The following EPHA6 variants were observed in gnomAD, a reference collection of about 807,000 sequenced individuals.
EPHA6 encodes the protein ephrin type-A receptor 6.
EPHA6 carries 50 observed loss-of-function variants against 112.0 expected under a neutral mutation model. The observed-to-expected ratio is 0.45, with a 90% CI of 0.36 to 0.56. The LOEUF is 0.56. Ranked by LOEUF, EPHA6 falls within the 20% of genes least tolerant of loss-of-function variation. EPHA6 has a pLI of 0.00. For missense variants in EPHA6, 1,280 were observed against 1,417.4 expected (o/e 0.90, Z 1.56); for synonymous variants, 529 against 490.7 (o/e 1.08, Z -1.03).
intron 3 of EPHA6, among the ~76,000 whole-genome samples, chr3:97,093,920 A>G (rs1215124826): frequency 6.6e-6 from 1 of 152,140 alleles, no homozygotes; most frequent in Non-Finnish European, 1.5e-5. Context: ...GAGAAATTTC[A>G]ATTCTGAGAT....
intron 10 of EPHA6, among the ~76,000 whole-genome samples, chr3:97,520,947 A>G (rs2092532137): frequency 6.6e-6 from 1 of 152,182 alleles, no homozygotes; most frequent in Non-Finnish European, 1.5e-5. Flanking sequence ...ACCTATATTC[A>G]AGTTCTAAAA....
chr3:96,949,513 G>GTA (rs988379512), intron 2 of EPHA6, among the ~76,000 whole-genome samples: 1 of 151,916 alleles, frequency 6.6e-6, no homozygotes, highest in Admixed American at 6.6e-5. Context: ...TTTATAAAAA[G>GTA]TATATATATA....
rs539474562 is a variant in EPHA6, at chr3:97,486,202, T to C, written c.2200+2143T>C. ...TGGCAAAGACAGATTATCTAAACCA[T>C]GTAGTTATTCCTATAGATTGGGGTC... On this transcript the variant is annotated intron_variant, in intron 10 of 17. Transcript: ENST00000389672. Among the ~76,000 whole-genome samples, 280 of 152,332 alleles carry C rather than the reference T, an allele frequency of 1.8e-3. 2 individuals are homozygous for C. The highest frequency in any genetic ancestry group is 6.4e-3 in the African/African-American group (265 of 41,586).
rs1049106611 is a variant in EPHA6 at position 97,347,342 on chromosome 3, AC to A, written c.1607-57807del. Among the ~76,000 whole-genome samples the A allele has an allele frequency of 1.0e-3, 157 of 152,210 alleles. 1 individual carries two copies. Among genetic ancestry groups the A allele is most frequent in the African/African-American group, 3.6e-3 (148 of 41,570 alleles). The stretch of plus-strand genomic sequence containing the variant: ...ATATTCACCTTATCAATTGATACTA[AC>A]TTTTCTTAGATATAAAATACACAAA... On this transcript the variant is annotated intron_variant, in intron 5 of 17. Transcript: ENST00000389672.
chr3:97,433,071 G>C (rs1187198399), intron 6 of EPHA6, among the ~76,000 whole-genome samples: 1 of 152,094 alleles, frequency 6.6e-6, no homozygotes, highest in Admixed American at 6.6e-5. Context: ...TTCATCTACG[G>C]CATAGATATC....
chr3:97,666,867 T>C (rs939695002), intron 14 of EPHA6, among the ~76,000 whole-genome samples: 2 of 152,204 alleles, frequency 1.3e-5, no homozygotes, highest in Admixed American at 1.3e-4. Context: ...GGCTTTAGTT[T>C]TTTAATTCAA....
intron 14 of EPHA6, among the ~76,000 whole-genome samples, chr3:97,703,092 G>A (rs997528978): frequency 3.3e-5 from 5 of 152,102 alleles, no homozygotes; most frequent in African/African-American, 9.7e-5. Context: ...GTCAGCCCTC[G>A]GGAAGCATTT....
intron 3 of EPHA6, among the ~76,000 whole-genome samples, chr3:97,129,480 C>T (rs1048381148): frequency 8.7e-5 from 13 of 149,786 alleles, no homozygotes; most frequent in Admixed American, 2.0e-4. Flanking sequence ...CCAGCCTGGG[C>T]GACAGACTTC....
intron 7 of EPHA6, chr3:97,466,602 A>G (rs2091064512): frequency 1.6e-6 from 1 of 644,206 alleles, no homozygotes. Flanking sequence ...TGTCTTCAGT[A>G]TTCTCATGTA....
intron 5 of EPHA6, among the ~76,000 whole-genome samples, chr3:97,404,221 A>C (rs891670888): frequency 6.6e-6 from 1 of 152,182 alleles, no homozygotes; most frequent in Non-Finnish European, 1.5e-5. Flanking sequence ...TTAAATCTTT[A>C]AGCTTCCCTT....
At position 96,899,723 on chromosome 3, in the gene EPHA6, A is replaced by G. The variant is rs190817914; in HGVS notation, c.450+32834A>G. On this transcript the variant is annotated intron_variant, in intron 2 of 17. Transcript: ENST00000389672. ...AACTGTTTTGTTTTCTGTTTTTAGT[A>G]TTTTATTTATAAGCAGTAGTCCTGT... Among the ~76,000 whole-genome samples, 8 of 152,278 alleles carry G rather than the reference A, an allele frequency of 5.3e-5. No individual in the cohort carries two copies. In the East Asian group the frequency reaches 1.5e-3, roughly 29 times the overall value.
At chr3:97,567,761 C>T (rs2093286181) in intron 11 of EPHA6, among the ~76,000 whole-genome samples, 1 of 152,072 alleles carries the variant, frequency 6.6e-6, no homozygotes, top group Non-Finnish European at 1.5e-5. Context: ...AGAGGCAGCT[C>T]AGGAAAACAA....
chr3:97,017,168 A>G (rs1458606054), intron 3 of EPHA6, among the ~76,000 whole-genome samples: 4 of 152,150 alleles, frequency 2.6e-5, no homozygotes, highest in Admixed American at 1.3e-4. Flanking sequence ...CACAGTACCT[A>G]GACTTAATTT....
intron 5 of EPHA6, among the ~76,000 whole-genome samples, chr3:97,255,144 A>G (rs1193805610): frequency 2.8e-5 from 4 of 144,374 alleles, no homozygotes; most frequent in Admixed American, 2.1e-4. Flanking sequence ...TACATCTTGG[A>G]TGTGTGTGTG....
At chr3:97,484,450 T>A (rs2091647768) in intron 10 of EPHA6, among the ~76,000 whole-genome samples, 1 of 152,200 alleles carries the variant, frequency 6.6e-6, no homozygotes, top group Non-Finnish European at 1.5e-5. Flanking sequence ...GTTCTGAGAA[T>A]CACCAAAGAT....
chr3:97,481,469 G>T, intron 9 of EPHA6: 4 of 1,261,974 alleles, frequency 3.2e-6, no homozygotes, highest in Non-Finnish European at 4.6e-6. Context: ...TATTTCAGAG[G>T]CAATAAGGAA....
intron 5 of EPHA6, among the ~76,000 whole-genome samples, chr3:97,268,462 A>G (rs1346254089): frequency 6.6e-6 from 1 of 152,190 alleles, no homozygotes; most frequent in Admixed American, 6.5e-5. Context: ...GAGAAACTTT[A>G]TCAGTATGAA....
chr3:96,921,870 A>G (rs2039782202), intron 2 of EPHA6, among the ~76,000 whole-genome samples: 1 of 152,104 alleles, frequency 6.6e-6, no homozygotes, highest in Non-Finnish European at 1.5e-5. Flanking sequence ...GCCCAGCCTA[A>G]AAAACCTAAC....
At chr3:97,353,796 A>G (rs1252258970) in intron 5 of EPHA6, among the ~76,000 whole-genome samples, 1 of 152,138 alleles carries the variant, frequency 6.6e-6, no homozygotes, top group Non-Finnish European at 1.5e-5. Flanking sequence ...TCAGCCAGGC[A>G]ATGGCACCTG....
Sources: gnomAD v4.1 joint callset for allele counts (sites outside exome capture counted in the v4.1 genomes callset) on GRCh38, gnomAD v4.1.1 for gene constraint, MANE v1.5 for transcripts, NCBI Gene and HGNC (gene_info 2026-07-23, HGNC 2026-07-21) for gene names.